Variants in MED13 observed in about 807,000 individuals in gnomAD.
MED13 encodes mediator of RNA polymerase II transcription subunit 13.
MED13 carries 23 observed loss-of-function variants against 225.2 expected under a neutral mutation model. The observed-to-expected ratio is 0.10, with a 90% CI of 0.07 to 0.14. The LOEUF is 0.14. MED13 is among the 10% of genes least tolerant of loss of function. MED13 has a pLI of 1.00. For missense variants in MED13, 2,197 were observed against 2,594.5 expected (o/e 0.85, Z 3.33); for synonymous variants, 942 against 889.2 (o/e 1.06, Z -1.06).
rs1284655739 is a variant in MED13 at position 61,955,803 on chromosome 17, A to G, written c.5659T>C (p.Ser1887Pro). The change falls in exon 25 of 30, where the codon TCT (serine) becomes CCT (proline). Residue 1887 changes from serine to proline, a missense_variant. Ser to Pro is a moderately conservative substitution (Grantham distance 74). Coordinates refer to ENST00000397786, the MANE Select transcript of MED13 (RefSeq NM_005121.3). ...SCLLSRRNLQ[S>P]LSKRLKDMCR... is the part of the protein sequence containing the mutation. ...ATGTCTTTGAGCCTTTTACTTAGAG[A>G]CTGCAAGTTTCGACGACTCAGCAAA... 6.3e-7 allele frequency: 1 copy of G among 1,596,778 alleles called. No homozygotes were observed. The highest frequency in any genetic ancestry group is 8.5e-7 in the Non-Finnish European group (1 of 1,173,568).
At chr17:61,986,704 T>C (rs372083028) in intron 12 of MED13, among the ~76,000 whole-genome samples, 1 of 152,146 alleles carries the variant, frequency 6.6e-6, no homozygotes, top group East Asian at 1.9e-4. Context: ...AATAGGAAAA[T>C]AATTCTGCTT....
chr17:62,055,488 A>T (rs1197035481), intron 2 of MED13, among the ~76,000 whole-genome samples: 5 of 152,136 alleles, frequency 3.3e-5, no homozygotes, highest in African/African-American at 1.2e-4. Context: ...TTATTTTGTA[A>T]AATCTATTTT....
At chr17:61,948,945 G>A (rs370350777) in intron 28 of MED13, among the ~76,000 whole-genome samples, 208 of 151,352 alleles carry the variant, frequency 1.4e-3, no homozygotes, top group Middle Eastern at 6.8e-3. Flanking sequence ...AAAATTAGCC[G>A]GGCGTAGTGG....
At chr17:61,968,315 T>TTATG in intron 17 of MED13, 57 bp from the exon 18 acceptor site, 1 of 1,017,516 alleles carries the variant, frequency 9.8e-7, no homozygotes, top group Non-Finnish European at 1.3e-6. Flanking sequence ...TGTCTCCTTT[T>TTATG]TATTTATTTA....
At chr17:61,963,053 CT>C (rs1357567173) in intron 20 of MED13, 82 bp from the exon 21 acceptor site, 34 of 1,101,514 alleles carry the variant, frequency 3.1e-5, no homozygotes, top group Non-Finnish European at 4.6e-5. Flanking sequence ...TAATATCCCC[CT>C]CCTCCCTCTT....
rs138246435 is a variant in MED13, at chr17:62,002,400, A to C, written c.1968-7035T>G. On this transcript the variant is annotated intron_variant, in intron 9 of 29. Coordinates refer to ENST00000397786, the MANE Select transcript of MED13 (RefSeq NM_005121.3). ...GCTACTCGGGAGGCCAAGGCAGGAG[A>C]ATCACTTGAACCTGGGAGGCGGAGG... Among the ~76,000 whole-genome samples the C allele has an allele frequency of 2.6e-4, 40 of 151,784 alleles. 2 individuals carry two copies. The East Asian group carries it at 7.8e-3, about 30-fold the overall frequency.
rs537463776 is a variant in MED13 at position 61,988,607 on chromosome 17, A to G, written c.2264-1479T>C. Among the ~76,000 whole-genome samples, 11 of 152,342 alleles carry G rather than the reference A, an allele frequency of 7.2e-5. 1 individual carries two copies. The South Asian group carries it at 2.1e-3, about 29-fold the overall frequency. On this transcript the variant is annotated intron_variant, in intron 11 of 29. Coordinates refer to ENST00000397786, the MANE Select transcript of MED13 (RefSeq NM_005121.3). Reference sequence around the variant, plus strand: ...CCTTGGAGATACTCCAGAATGTAGCATATGTCTCACATTTTGAGAAAGCTG... The same window carrying G: ...CCTTGGAGATACTCCAGAATGTAGCGTATGTCTCACATTTTGAGAAAGCTG...
intron 8 of MED13, among the ~76,000 whole-genome samples, chr17:62,019,993 C>A (rs1182518359): frequency 6.6e-6 from 1 of 152,110 alleles, no homozygotes; most frequent in Non-Finnish European, 1.5e-5. Flanking sequence ...ATCCGCCCGC[C>A]TCGGCCTCCC....
At chr17:61,963,202 CAAAAAAAAAAA>C (rs11290002) in intron 20 of MED13, among the ~76,000 whole-genome samples, 105 of 55,794 alleles carry the variant, frequency 1.9e-3, no homozygotes, top group African/African-American at 4.6e-3. Flanking sequence ...TTAAATTTAC[CAAAAAAAAAAA>C]AAAAAAAAAA....
intron 9 of MED13, among the ~76,000 whole-genome samples, chr17:62,002,703 A>G (rs1039196659): frequency 1.1e-4 from 17 of 152,208 alleles, no homozygotes; most frequent in Admixed American, 6.5e-4. Flanking sequence ...CCTTTTCACT[A>G]TAAGAAAAAA....
At chr17:61,985,337 A>G (rs894506481) in intron 12 of MED13, among the ~76,000 whole-genome samples, 3 of 152,188 alleles carry the variant, frequency 2.0e-5, no homozygotes, top group African/African-American at 4.8e-5. Context: ...AATGACCAAT[A>G]CTTTCAAAAT....
rs767087322 is a variant in MED13, at chr17:61,946,979, G to A, written c.6330C>T (p.Asp2110=). The A allele has an allele frequency of 3.0e-5, 48 of 1,613,982 alleles. 1 individual carries two copies. Among genetic ancestry groups the A allele is most frequent in the African/African-American group, 5.3e-5 (4 of 74,914 alleles). ...GGGAGTGTTTACTGTGAAGCAGCTC[G>A]TCAGATTGCACTGAAGGCACGTGGA... ...LHLHVPSVQS[D]ELLHSKHSHP... Residue 2110 remains aspartate (D), a synonymous_variant, in exon 29 of 30, where the codon GAC becomes GAT. Transcript: ENST00000397786.
intron 8 of MED13, among the ~76,000 whole-genome samples, chr17:62,016,041 T>C (rs1381833134): frequency 7.6e-6 from 1 of 130,758 alleles, no homozygotes; most frequent in Non-Finnish European, 1.6e-5. Flanking sequence ...TGATCTCAAG[T>C]GATCTACCCA....
In MED13 at chr17:62,031,488, G is replaced by A; in HGVS notation, c.965C>T (p.Ser322Leu). 1.9e-6 allele frequency: 3 copies of A among 1,613,608 alleles called. No homozygotes were observed. The highest frequency in any genetic ancestry group is 2.5e-6 in the Non-Finnish European group (3 of 1,179,756). ...PASTRDPAMS[S>L]VTLTPPTSPE... is the part of the protein sequence containing the mutation. ...AGACGTAGGTGGTGTAAGCGTAACC[G>A]AAGACATAGCAGGATCTCTTGTGGA... Residue 322 changes from serine to leucine, a missense_variant, in exon 6 of 30, where the codon TCG becomes TTG. By Grantham distance (145) the Ser-to-Leu change is moderately radical. Around this residue, in one of 12 missense-constraint regions of MED13, gnomAD observed 884 missense variants for 918.5 expected, o/e 0.96. Transcript: ENST00000397786.
chr17:61,953,194 G>T, intron 26 of MED13, 81 bp from the exon 27 acceptor site: 1 of 1,413,478 alleles, frequency 7.1e-7, no homozygotes, highest in Non-Finnish European at 9.4e-7. Flanking sequence ...CAAAATAAAT[G>T]AAATTTTAAC....
At chr17:62,044,228 T>G (rs2080879122) in intron 3 of MED13, among the ~76,000 whole-genome samples, 1 of 151,080 alleles carries the variant, frequency 6.6e-6, no homozygotes, top group Non-Finnish European at 1.5e-5. Context: ...TTCATTTACT[T>G]CCTTAAAAAA....
At position 62,063,211 on chromosome 17, in the gene MED13, T is replaced by C. The variant is rs1603410962; in HGVS notation, c.157A>G (p.Ile53Val). The change falls in exon 2 of 30, where the codon ATT becomes GTT. Residue 53 changes from isoleucine (I) to valine (V), a missense_variant. Ile to Val is a conservative substitution (Grantham distance 29, BLOSUM62 3). Around this residue, in one of 12 missense-constraint regions of MED13, gnomAD observed 884 missense variants for 918.5 expected, o/e 0.96. Transcript: ENST00000397786. Reference sequence around the variant, plus strand: ...AGGCAGCGACTAAAACTGCTCAAAATGGGGTCTTCTTCTGTCACAGGAAAC... The same window carrying C: ...AGGCAGCGACTAAAACTGCTCAAAACGGGGTCTTCTTCTGTCACAGGAAAC... ...ILFPVTEEDP[I>V]LSSFSRCLKA... The C allele has an allele frequency of 6.2e-7, 1 of 1,614,018 alleles. No individual in the cohort carries two copies. Among genetic ancestry groups the C allele is most frequent in the Non-Finnish European group, 8.5e-7 (1 of 1,180,018 alleles).
intron 1 of MED13, among the ~76,000 whole-genome samples, chr17:62,064,516 AAAGC>A (rs1490807849): frequency 6.6e-6 from 1 of 152,214 alleles, no homozygotes; most frequent in African/African-American, 2.4e-5. Context: ...TGTTCTAATA[AAAGC>A]AAGATGGCTA....
At chr17:61,991,290 TG>T (rs1435458140) in intron 11 of MED13, among the ~76,000 whole-genome samples, 4 of 151,724 alleles carry the variant, frequency 2.6e-5, no homozygotes, top group Admixed American at 2.0e-4. Flanking sequence ...GCTTTATTTT[TG>T]TATTTTTAGT....
Sources: allele counts gnomAD v4.1 joint callset (sites outside exome capture counted in the v4.1 genomes callset), GRCh38; gene constraint gnomAD v4.1.1; regional missense constraint gnomAD v4.1.1; transcripts MANE v1.5; gene names NCBI Gene and HGNC (gene_info 2026-07-23, HGNC 2026-07-21).